The following NLRP2B variants were observed in gnomAD, a reference collection of about 807,000 sequenced individuals.
The protein encoded by NLRP2B is NLR family pyrin domain-containing protein 2B.
For synonymous variants in NLRP2B, 16 were observed against 3.5 expected (o/e 4.63, Z -4.03); for missense variants, 25 against 6.8 (o/e 3.70, Z -3.00).
Position 57,679,329 on chromosome X carries a change from C to T in NLRP2B, c.*794G>A, listed in dbSNP as rs10481857. 0.028 allele frequency: 15,698 copies of T among 561,933 alleles called. 1,673 individuals are homozygous for T. In the African/African-American group the frequency reaches 0.32, roughly 11 times the overall value. 46.3% of individuals were successfully genotyped at this position (561,933 alleles called of 1,213,427 possible). ...ACCTCCCCAAGAAGACCGGCACCGG[C>T]TTCTGCTTCTCCCAGTCCCCACAGA... On this transcript the variant is annotated 3_prime_UTR_variant, in exon 1 of 1. Transcript: ENST00000434992.
Position 57,677,205 on chromosome X carries a change from C to T in NLRP2B, c.*2918G>A. The T allele has an allele frequency of 2.7e-6, 1 of 375,340 alleles. No homozygotes were observed. Among genetic ancestry groups the T allele is most frequent in the Non-Finnish European group, 5.2e-6 (1 of 190,612 alleles). 30.9% of individuals were successfully genotyped at this position (375,340 alleles called of 1,213,427 possible). ...GTTCAACATTAAAGTCATCTATTTT[C>T]AACCTGAGTGTCTGGAGGGTGCAAT... On this transcript the variant is annotated 3_prime_UTR_variant, in exon 1 of 1. Coordinates refer to ENST00000434992, the MANE Select transcript of NLRP2B (RefSeq NM_001319967.1).
Position 57,680,190 on chromosome X carries a change from C to G in NLRP2B, c.71G>C (p.Cys24Ser). The change falls in exon 1 of 1, where the codon TGC becomes TCC. Residue 24 changes from cysteine to serine, a missense_variant. By Grantham distance (112) the Cys-to-Ser change is moderately radical. Coordinates refer to ENST00000434992, the MANE Select transcript of NLRP2B (RefSeq NM_001319967.1). Reference protein sequence around the residue: ...LLGQLSQDDLCKFKSLIRTVS... With the variant: ...LLGQLSQDDLSKFKSLIRTVS... Reference sequence around the variant, plus strand: ...GGTCCTGATCAGAGACTTGAACTTGCACAAGTCATCCTGGCTGAGCTGTCC... The same window carrying G: ...GGTCCTGATCAGAGACTTGAACTTGGACAAGTCATCCTGGCTGAGCTGTCC... The G allele has an allele frequency of 5.1e-6, 2 of 391,273 alleles. No individual in the cohort carries two copies. The highest frequency in any genetic ancestry group is 4.0e-5 in the East Asian group (1 of 24,754). The allele number at this position is 391,273 out of a possible 1,213,427, so 32.2% of individuals were successfully genotyped here.
rs2011759965 is a variant in NLRP2B, at chrX:57,680,141, T to C, written c.120A>G (p.Gln40=). Residue 40 remains glutamine, a synonymous_variant, in exon 1 of 1, where the codon CAA becomes CAG. Coordinates refer to ENST00000434992, the MANE Select transcript of NLRP2B (RefSeq NM_001319967.1). ...TGTCTACCTATGTCTGGGGGATCTTTTGCAGCTCATTTCCCAGGGAGACGG... is the reference window on the plus strand; with the variant it reads ...TGTCTACCTATGTCTGGGGGATCTTCTGCAGCTCATTTCCCAGGGAGACGG... The part of the protein sequence containing the change: ...IRTVSLGNEL[Q]KIPQT 4.6e-6 allele frequency: 2 copies of C among 435,675 alleles called. No individual in the cohort carries two copies. Among genetic ancestry groups the C allele is most frequent in the South Asian group, 1.1e-4 (2 of 18,495 alleles). The allele number at this position is 435,675 out of a possible 1,213,427, so 35.9% of individuals were successfully genotyped here.
In NLRP2B at chrX:57,678,211, A is replaced by G. The variant is rs1453624991; in HGVS notation, c.*1912T>C. 12 of 531,786 alleles carry G rather than the reference A, an allele frequency of 2.3e-5. No homozygotes were observed. In the East Asian group the frequency reaches 3.7e-4, roughly 16 times the overall value. The allele number at this position is 531,786 out of a possible 1,213,427, so 43.8% of individuals were successfully genotyped here. On this transcript the variant is annotated 3_prime_UTR_variant, in exon 1 of 1. Transcript: ENST00000434992. ...ACAAAGGTCGGTCCAGAAAGGAAGC[A>G]TGTGTTGATCATCCTGGGATCTCTC...
At position 57,679,613 on chromosome X, in the gene NLRP2B, C is replaced by G; in HGVS notation, c.*510G>C. On this transcript the variant is annotated 3_prime_UTR_variant, in exon 1 of 1. Coordinates refer to ENST00000434992, the MANE Select transcript of NLRP2B (RefSeq NM_001319967.1). ...AATTTCTTGGCCAGCGTGGTTTTCCCAAGGCCCGCAGGACCATGCAGCACC... is the reference window on the plus strand; with the variant it reads ...AATTTCTTGGCCAGCGTGGTTTTCCGAAGGCCCGCAGGACCATGCAGCACC... 9 of 501,365 alleles carry G rather than the reference C, an allele frequency of 1.8e-5. No individual in the cohort carries two copies. The highest frequency in any genetic ancestry group is 3.2e-5 in the Non-Finnish European group (9 of 279,391). 41.3% of individuals were successfully genotyped at this position (501,365 alleles called of 1,213,427 possible).
chrX:57,677,524 T>C lies in NLRP2B; in HGVS notation c.*2599A>G, dbSNP rs2011716129. On this transcript the variant is annotated 3_prime_UTR_variant, in exon 1 of 1. Transcript: ENST00000434992. The stretch of plus-strand genomic sequence containing the variant: ...AAGCTCTGCGAGATAACAGCAGCCA[T>C]TGCTAGTTATGTCGCAGTCCCACAG... 4.0e-5 allele frequency: 13 copies of C among 325,507 alleles called. No individual in the cohort carries two copies. In the Admixed American group the frequency reaches 4.5e-4, roughly 11 times the overall value. The allele number at this position is 325,507 out of a possible 1,213,427, so 26.8% of individuals were successfully genotyped here. A position where few individuals can be genotyped will look rare whatever the true frequency, so the allele number is the denominator to read the frequency against.
In NLRP2B at chrX:57,678,894, C is replaced by T. The variant is rs777418638; in HGVS notation, c.*1229G>A. On this transcript the variant is annotated 3_prime_UTR_variant, in exon 1 of 1. Transcript: ENST00000434992. Reference sequence around the variant, plus strand: ...CCTCTCCACGGAACACTGACATCTGCGCCCACAGGCCCTGTGCCGCCAGGA... The same window carrying T: ...CCTCTCCACGGAACACTGACATCTGTGCCCACAGGCCCTGTGCCGCCAGGA... 7.8e-6 allele frequency: 3 copies of T among 385,246 alleles called. No individual in the cohort carries two copies. Among genetic ancestry groups the T allele is most frequent in the East Asian group, 5.8e-5 (1 of 17,198 alleles). The allele number at this position is 385,246 out of a possible 1,213,427, so 31.7% of individuals were successfully genotyped here. A position where few individuals can be genotyped will look rare whatever the true frequency, so the allele number is the denominator to read the frequency against.
In NLRP2B at chrX:57,677,395, T is replaced by C; in HGVS notation, c.*2728A>G. 2.8e-6 allele frequency: 1 copy of C among 354,283 alleles called. No homozygotes were observed. Among genetic ancestry groups the C allele is most frequent in the Non-Finnish European group, 5.5e-6 (1 of 181,261 alleles). The allele number at this position is 354,283 out of a possible 1,213,427, so 29.2% of individuals were successfully genotyped here. A position where few individuals can be genotyped will look rare whatever the true frequency, so the allele number is the denominator to read the frequency against. On this transcript the variant is annotated 3_prime_UTR_variant, in exon 1 of 1. Coordinates refer to ENST00000434992, the MANE Select transcript of NLRP2B (RefSeq NM_001319967.1). ...CCCCCACAACCACAGACATCTCAAG[T>C]TACACAGTGGTTTCTTCAAAGCCTC...
rs2011710286 is a variant in NLRP2B at position 57,677,121 on chromosome X, TCA to T, written c.*3000_*3001del. 1 of 289,459 alleles carries T rather than the reference TCA, an allele frequency of 3.5e-6. No individual in the cohort carries two copies. The highest frequency in any genetic ancestry group is 2.8e-5 in the African/African-American group (1 of 35,632). The allele number at this position is 289,459 out of a possible 1,213,427, so 23.9% of individuals were successfully genotyped here. On this transcript the variant is annotated 3_prime_UTR_variant, in exon 1 of 1. Coordinates refer to ENST00000434992, the MANE Select transcript of NLRP2B (RefSeq NM_001319967.1). The stretch of plus-strand genomic sequence containing the variant: ...TTTCCCCCCCAAAGGATCATGTTTC[TCA>T]GTTATCAGCAGGCAGTTGTGGGTTG...
In NLRP2B at chrX:57,678,447, G is replaced by T; in HGVS notation, c.*1676C>A. On this transcript the variant is annotated 3_prime_UTR_variant, in exon 1 of 1. Transcript: ENST00000434992. ...CCTGAGACTCGTACAGACAGCACAA[G>T]AGCTCCTTCGGGTTCATCATTGTTG... is the stretch of plus-strand genomic sequence containing the variant. 1.9e-6 allele frequency: 1 copy of T among 519,699 alleles called. No individual in the cohort carries two copies. 42.8% of individuals were successfully genotyped at this position (519,699 alleles called of 1,213,427 possible).
Position 57,677,729 on chromosome X carries a change from A to T in NLRP2B, c.*2394T>A, listed in dbSNP as rs1357268271. ...ATAAAGTGACAGTTTTCCAACAACA[A>T]CCTCGGCAGGAAGCATTTTGGGTGT... On this transcript the variant is annotated 3_prime_UTR_variant, in exon 1 of 1. Transcript: ENST00000434992. The T allele has an allele frequency of 2.6e-6, 1 of 389,999 alleles. No individual in the cohort carries two copies. The highest frequency in any genetic ancestry group is 2.9e-5 in the Admixed American group (1 of 34,278). 32.1% of individuals were successfully genotyped at this position (389,999 alleles called of 1,213,427 possible). A position where few individuals can be genotyped will look rare whatever the true frequency, so the allele number is the denominator to read the frequency against.
chrX:57,678,223 T>C lies in NLRP2B; in HGVS notation c.*1900A>G. The stretch of plus-strand genomic sequence containing the variant: ...CCAGAAAGGAAGCATGTGTTGATCA[T>C]CCTGGGATCTCTCAACTTCAGCATC... On this transcript the variant is annotated 3_prime_UTR_variant, in exon 1 of 1. Transcript: ENST00000434992. 1.9e-6 allele frequency: 1 copy of C among 534,131 alleles called. No homozygotes were observed. The highest frequency in any genetic ancestry group is 3.4e-6 in the Non-Finnish European group (1 of 291,424). 44.0% of individuals were successfully genotyped at this position (534,131 alleles called of 1,213,427 possible).
At position 57,678,768 on chromosome X, in the gene NLRP2B, G is replaced by T. The variant is rs182427190; in HGVS notation, c.*1355C>A. The T allele has an allele frequency of 5.0e-6, 2 of 398,015 alleles. No homozygotes were observed. Among genetic ancestry groups the T allele is most frequent in the African/African-American group, 5.0e-5 (2 of 39,891 alleles). The allele number at this position is 398,015 out of a possible 1,213,427, so 32.8% of individuals were successfully genotyped here. A position where few individuals can be genotyped will look rare whatever the true frequency, so the allele number is the denominator to read the frequency against. Reference sequence around the variant, plus strand: ...TGAAAAACTGCTGGAAGCTGAGGTGGATGTAGGAATAGCAGCCTTTAGAGA... The same window carrying T: ...TGAAAAACTGCTGGAAGCTGAGGTGTATGTAGGAATAGCAGCCTTTAGAGA... On this transcript the variant is annotated 3_prime_UTR_variant, in exon 1 of 1. Transcript: ENST00000434992.
Position 57,679,284 on chromosome X carries a change from T to G in NLRP2B, c.*839A>C. 2.1e-6 allele frequency: 1 copy of G among 481,046 alleles called. No individual in the cohort carries two copies. The highest frequency in any genetic ancestry group is 2.7e-5 in the Admixed American group (1 of 36,871). 39.6% of individuals were successfully genotyped at this position (481,046 alleles called of 1,213,427 possible). The stretch of plus-strand genomic sequence containing the variant: ...TGGTGACCAGCACGGCGGCCCTGGG[T>G]AAAATCTTCCTCTTCAGTAACCTCC... On this transcript the variant is annotated 3_prime_UTR_variant, in exon 1 of 1. Transcript: ENST00000434992.
At position 57,678,131 on chromosome X, in the gene NLRP2B, G is replaced by T. The variant is rs1057049131; in HGVS notation, c.*1992C>A. 1 of 476,441 alleles carries T rather than the reference G, an allele frequency of 2.1e-6. No homozygotes were observed. The highest frequency in any genetic ancestry group is 2.8e-5 in the Admixed American group (1 of 35,565). The allele number at this position is 476,441 out of a possible 1,213,427, so 39.3% of individuals were successfully genotyped here. A position where few individuals can be genotyped will look rare whatever the true frequency, so the allele number is the denominator to read the frequency against. On this transcript the variant is annotated 3_prime_UTR_variant, in exon 1 of 1. Coordinates refer to ENST00000434992, the MANE Select transcript of NLRP2B (RefSeq NM_001319967.1). ...AGGATCCTTACTAATGTGGCACCAA[G>T]AAAGCTATTATTGATTTCTAGAATG...
In NLRP2B at chrX:57,677,845, G is replaced by T. The variant is rs2011721675; in HGVS notation, c.*2278C>A. ...TGTCAGGGACTGGTTGACTTCAAGG[G>T]CCAAGGAGAGATCAGCCCATTGCTA... On this transcript the variant is annotated 3_prime_UTR_variant, in exon 1 of 1. Transcript: ENST00000434992. 1 of 431,351 alleles carries T rather than the reference G, an allele frequency of 2.3e-6. No homozygotes were observed. The highest frequency in any genetic ancestry group is 2.4e-5 in the African/African-American group (1 of 41,438). 35.5% of individuals were successfully genotyped at this position (431,351 alleles called of 1,213,427 possible). A position where few individuals can be genotyped will look rare whatever the true frequency, so the allele number is the denominator to read the frequency against.
chrX:57,678,876 A>T lies in NLRP2B; in HGVS notation c.*1247T>A. On this transcript the variant is annotated 3_prime_UTR_variant, in exon 1 of 1. Coordinates refer to ENST00000434992, the MANE Select transcript of NLRP2B (RefSeq NM_001319967.1). ...CCCCGAGCCTCGCCAAGTCCTCTCC[A>T]CGGAACACTGACATCTGCGCCCACA... 1 of 375,688 alleles carries T rather than the reference A, an allele frequency of 2.7e-6. No homozygotes were observed. The allele number at this position is 375,688 out of a possible 1,213,427, so 31.0% of individuals were successfully genotyped here. A position where few individuals can be genotyped will look rare whatever the true frequency, so the allele number is the denominator to read the frequency against.
At position 57,679,046 on chromosome X, in the gene NLRP2B, C is replaced by T; in HGVS notation, c.*1077G>A. ...CTTCTAACCTCTGCAGCTTCAGACTCATGCACATGATCCAGCACACCATGG... is the reference window on the plus strand; with the variant it reads ...CTTCTAACCTCTGCAGCTTCAGACTTATGCACATGATCCAGCACACCATGG... On this transcript the variant is annotated 3_prime_UTR_variant, in exon 1 of 1. Coordinates refer to ENST00000434992, the MANE Select transcript of NLRP2B (RefSeq NM_001319967.1). 1 of 415,567 alleles carries T rather than the reference C, an allele frequency of 2.4e-6. No individual in the cohort carries two copies. The highest frequency in any genetic ancestry group is 4.4e-6 in the Non-Finnish European group (1 of 226,419). The allele number at this position is 415,567 out of a possible 1,213,427, so 34.2% of individuals were successfully genotyped here.
chrX:57,679,988 T>C lies in NLRP2B; in HGVS notation c.*135A>G. On this transcript the variant is annotated 3_prime_UTR_variant, in exon 1 of 1. Transcript: ENST00000434992. Reference sequence around the variant, plus strand: ...TTGATTTCAAAGTGTCTTCTCTGAGTTCATCCTTTACTTTCTCAGACAGAT... The same window carrying C: ...TTGATTTCAAAGTGTCTTCTCTGAGCTCATCCTTTACTTTCTCAGACAGAT... 3.1e-6 allele frequency: 1 copy of C among 323,893 alleles called. No homozygotes were observed. 26.7% of individuals were successfully genotyped at this position (323,893 alleles called of 1,213,427 possible). A position where few individuals can be genotyped will look rare whatever the true frequency, so the allele number is the denominator to read the frequency against.
Sources: allele counts gnomAD v4.1 joint callset, GRCh38; gene constraint gnomAD v4.1.1; transcripts MANE v1.5; gene names NCBI Gene and HGNC (gene_info 2026-07-23, HGNC 2026-07-21).